GLIS3: variants seen among roughly 807,000 people sequenced by gnomAD.
GLIS3 encodes zinc finger protein GLIS3.
GLIS3 carries 53 observed loss-of-function variants against 78.6 expected under a neutral mutation model. The observed-to-expected ratio is 0.67, with a 90% CI of 0.54 to 0.85. GLIS3 has a LOEUF of 0.85. Among genes scored for constraint, GLIS3 ranks in the 40% least tolerant of loss-of-function variants. The pLI, the probability that GLIS3 is intolerant of heterozygous loss-of-function variation, is 0.00. For synonymous variants in GLIS3, 684 were observed against 509.9 expected, an observed-to-expected ratio of 1.34 and a Z score of -4.60; for missense variants, 1,703 against 1,231.1, an observed-to-expected ratio of 1.38 and a Z score of -5.74.
chr9:4,413,883 G>C, the GLIS3 span, among the ~76,000 whole-genome samples: 1 of 152,074 alleles, frequency 6.6e-6, no homozygotes, highest in South Asian at 2.1e-4. Context: ...GCTAAATGAG[G>C]TTCTGGCTAT....
At chr9:4,218,855 T>C (rs931051082) in intron 2 of GLIS3, among the ~76,000 whole-genome samples, 4 of 152,182 alleles carry the variant, frequency 2.6e-5, no homozygotes, top group African/African-American at 9.7e-5. Context: ...AAAATGTAAA[T>C]CACAGCTCCC....
chr9:4,200,084 A>T (rs913675926), intron 2 of GLIS3, among the ~76,000 whole-genome samples: 2 of 152,182 alleles, frequency 1.3e-5, no homozygotes, highest in African/African-American at 2.4e-5. Context: ...TAAGGCAGAA[A>T]TTTTTTACAA....
rs71308889 is a variant in GLIS3 at position 3,934,410 on chromosome 9, A to ATTT, written c.1873-1943_1873-1941dup. Among the ~76,000 whole-genome samples, 28 of 138,474 alleles carry ATTT rather than the reference A, an allele frequency of 2.0e-4. 2 individuals are homozygous for ATTT. The highest frequency in any genetic ancestry group is 5.6e-4 in the African/African-American group (21 of 37,808). The allele number at this position is 138,474 out of a possible 152,430, so 90.8% of individuals were successfully genotyped here. A position where few individuals can be genotyped will look rare whatever the true frequency, so the allele number is the denominator to read the frequency against. Reference sequence around the variant, plus strand: ...GGTTGGTAATGTCATTTTCTATTTGATTTTTTTTTTTTTTTTTGAGATGGA... The same window carrying ATTT: ...GGTTGGTAATGTCATTTTCTATTTGATTTTTTTTTTTTTTTTTTTTGAGATGGA... On this transcript the variant is annotated intron_variant, in intron 5 of 10. Coordinates refer to ENST00000381971, the MANE Select transcript of GLIS3 (RefSeq NM_001042413.2).
At position 4,118,781 on chromosome 9, in the gene GLIS3, C is replaced by G; in HGVS notation, c.697G>C (p.Ala233Pro). Residue 233 changes from alanine to proline, a missense_variant, in exon 4 of 11, where the codon GCC (alanine) becomes CCC (proline). Physicochemically the swap from Ala to Pro is conservative, Grantham distance 27. Coordinates refer to ENST00000381971, the MANE Select transcript of GLIS3 (RefSeq NM_001042413.2). The surrounding 1 kb of genome is among the most constrained non-coding windows in gnomAD (Gnocchi z 4.7). ...CCGTGGTTGGAGAGCGAAGGGAGGGCCCTGTAGCCCTGGGACCACTCCTGC... is the reference window on the plus strand; with the variant it reads ...CCGTGGTTGGAGAGCGAAGGGAGGGGCCTGTAGCCCTGGGACCACTCCTGC... ...MKQEWSQGYR[A>P]LPSLSNHGSQ... 6.2e-7 allele frequency: 1 copy of G among 1,612,098 alleles called. No homozygotes were observed. Among genetic ancestry groups the G allele is most frequent in the Non-Finnish European group, 8.5e-7 (1 of 1,180,020 alleles).
At chr9:4,263,772 T>G (rs1825741945) in intron 2 of GLIS3, among the ~76,000 whole-genome samples, 1 of 152,058 alleles carries the variant, frequency 6.6e-6, no homozygotes, top group Non-Finnish European at 1.5e-5. Flanking sequence ...AGTTGATCAC[T>G]CCTTCCTTCC....
chr9:4,466,492 T>G, the GLIS3 span, among the ~76,000 whole-genome samples: 1 of 152,178 alleles, frequency 6.6e-6, no homozygotes, highest in African/African-American at 2.4e-5. Context: ...CACAAGAAAG[T>G]AGGATAACAG....
At chr9:4,020,470 G>A (rs1016916564) in intron 4 of GLIS3, among the ~76,000 whole-genome samples, 4 of 152,112 alleles carry the variant, frequency 2.6e-5, no homozygotes, top group African/African-American at 9.7e-5. Flanking sequence ...CAAACACCTG[G>A]TCAATTTGAA....
At chr9:3,931,533 C>G (rs1825615952) in intron 6 of GLIS3, among the ~76,000 whole-genome samples, 1 of 152,134 alleles carries the variant, frequency 6.6e-6, no homozygotes, top group Admixed American at 6.6e-5. Context: ...AAGCCAAGAT[C>G]AGCTCAACAT....
intron 2 of GLIS3, among the ~76,000 whole-genome samples, chr9:4,254,125 C>G (rs536948808): frequency 6.6e-6 from 1 of 152,298 alleles, no homozygotes; most frequent in African/African-American, 2.4e-5. Context: ...ACTGGTTGTT[C>G]ATTTCAACAA....
At chr9:3,969,207 C>T (rs1246764508) in intron 4 of GLIS3, among the ~76,000 whole-genome samples, 3 of 152,104 alleles carry the variant, frequency 2.0e-5, no homozygotes, top group African/African-American at 4.8e-5. Context: ...GTAAAACAGA[C>T]GATTAATTTG....
chr9:4,171,204 C>T (rs1368596374), intron 2 of GLIS3, among the ~76,000 whole-genome samples: 1 of 152,124 alleles, frequency 6.6e-6, no homozygotes, highest in East Asian at 1.9e-4. Flanking sequence ...TGGCAATATA[C>T]ATATACATAT....
At chr9:4,440,183 T>G in the GLIS3 span, among the ~76,000 whole-genome samples, 2 of 152,194 alleles carry the variant, frequency 1.3e-5, no homozygotes, top group Non-Finnish European at 2.9e-5. Context: ...GTGCAGAAGT[T>G]TTTTAGTTTG....
chr9:4,297,691 G>C (rs1351740675), intron 1 of GLIS3, among the ~76,000 whole-genome samples: 2 of 152,100 alleles, frequency 1.3e-5, no homozygotes, highest in East Asian at 3.9e-4. Context: ...CCTTCCCCAG[G>C]TTTACATGCT....
chr9:4,161,520 C>T, intron 2 of GLIS3, among the ~76,000 whole-genome samples: 1 of 152,044 alleles, frequency 6.6e-6, no homozygotes, highest in East Asian at 1.9e-4. Context: ...GTCTACTTGT[C>T]TCTCTCCAAC....
the GLIS3 span, among the ~76,000 whole-genome samples, chr9:4,449,882 A>T: frequency 2.6e-5 from 4 of 152,280 alleles, no homozygotes; most frequent in Middle Eastern, 0.01. Flanking sequence ...AACCACAAAG[A>T]TGGGGAGAAA....
At chr9:4,300,688 A>G (rs1817031175), upstream of GLIS3, among the ~76,000 whole-genome samples, 1 of 151,856 alleles carries the variant, frequency 6.6e-6, no homozygotes, top group African/African-American at 2.4e-5. Context: ...TTATGAATTC[A>G]ACATCCTCAG....
At chr9:4,458,589 A>C in the GLIS3 span, among the ~76,000 whole-genome samples, 2 of 152,116 alleles carry the variant, frequency 1.3e-5, no homozygotes, top group Non-Finnish European at 2.9e-5. Flanking sequence ...GGAGCTCAAG[A>C]CCAGCCTGGC....
At chr9:4,227,510 A>G (rs1253385121) in intron 2 of GLIS3, among the ~76,000 whole-genome samples, 1 of 152,142 alleles carries the variant, frequency 6.6e-6, no homozygotes, top group Non-Finnish European at 1.5e-5. Flanking sequence ...GGGCCAAAGA[A>G]TACTCAAAAT....
At chr9:4,387,849 T>A in the GLIS3 span, among the ~76,000 whole-genome samples, 3 of 152,242 alleles carry the variant, frequency 2.0e-5, no homozygotes, top group South Asian at 6.2e-4. Flanking sequence ...AAGTCTGTTG[T>A]GTAACTGTAG....
Sources: allele counts gnomAD v4.1 joint callset (sites outside exome capture counted in the v4.1 genomes callset), GRCh38; gene constraint gnomAD v4.1.1; non-coding constraint Gnocchi (gnomAD v3.1); transcripts MANE v1.5; gene names NCBI Gene and HGNC (gene_info 2026-07-23, HGNC 2026-07-21).